Variants in LRRC10B observed in about 807,000 individuals in gnomAD.
LRRC10B encodes leucine-rich repeat-containing protein 10B.
For synonymous variants in LRRC10B, 204 were observed against 221.5 expected, an observed-to-expected ratio of 0.92 and a Z score of 0.70; for missense variants, 389 against 436.5, an observed-to-expected ratio of 0.89 and a Z score of 0.97.
rs576799399 is a variant in LRRC10B, at chr11:61,508,789, G to A, written c.-210G>A. The A allele has an allele frequency of 5.5e-3, 951 of 171,944 alleles. 3 individuals carry two copies. The highest frequency in any genetic ancestry group is 8.8e-3 in the Non-Finnish European group (757 of 86,288). The allele number at this position is 171,944 out of a possible 1,614,324, so 10.7% of individuals were successfully genotyped here. On this transcript the variant is annotated 5_prime_UTR_variant, in exon 1 of 1. Coordinates refer to ENST00000378075, the MANE Select transcript of LRRC10B (RefSeq NM_001145077.2). ...GAGGCAACGGGGGAGGCCCGAGGGCGGGCGGTGGAGCGCGGCGCGCGGCGG... is the reference window on the plus strand; with the variant it reads ...GAGGCAACGGGGGAGGCCCGAGGGCAGGCGGTGGAGCGCGGCGCGCGGCGG...
Position 61,509,575 on chromosome 11 carries a change from C to A in LRRC10B, c.577C>A (p.Arg193Ser), listed in dbSNP as rs972453158. The A allele has an allele frequency of 1.3e-6, 2 of 1,520,460 alleles. No individual in the cohort carries two copies. The highest frequency in any genetic ancestry group is 1.8e-6 in the Non-Finnish European group (2 of 1,140,670). 94.2% of individuals were successfully genotyped at this position (1,520,460 alleles called of 1,614,324 possible). A position where few individuals can be genotyped will look rare whatever the true frequency, so the allele number is the denominator to read the frequency against. ...RLHILDLDRNRLGGFPDLHPL... is the reference protein window; with the variant it reads ...RLHILDLDRNSLGGFPDLHPL... ...GCACATCCTCGACCTCGACCGCAACCGCCTGGGCGGCTTCCCCGACCTGCA... is the reference window on the plus strand; with the variant it reads ...GCACATCCTCGACCTCGACCGCAACAGCCTGGGCGGCTTCCCCGACCTGCA... The change falls in exon 1 of 1, where the codon CGC becomes AGC. Residue 193 changes from arginine to serine, a missense_variant. Physicochemically the swap from Arg to Ser is moderately radical, Grantham distance 110. Transcript: ENST00000378075.
Position 61,508,914 on chromosome 11 carries a change from C to A in LRRC10B, c.-85C>A. On this transcript the variant is annotated 5_prime_UTR_variant, in exon 1 of 1. Transcript: ENST00000378075. ...GGCCCGGGGGCCGGCGCGGCTCCGG[C>A]ACCGTCGGGGCGGCTGGGGGGCGGC... 1 of 1,047,056 alleles carries A rather than the reference C, an allele frequency of 9.6e-7. No homozygotes were observed. Among genetic ancestry groups the A allele is most frequent in the Admixed American group, 5.4e-5 (1 of 18,638 alleles). The allele number at this position is 1,047,056 out of a possible 1,614,324, so 64.9% of individuals were successfully genotyped here.
chr11:61,509,957 C>CCCACCAG lies in LRRC10B; in HGVS notation c.*80_*81insCCACCAG. 1 of 1,374,726 alleles carries CCCACCAG rather than the reference C, an allele frequency of 7.3e-7. No homozygotes were observed. The highest frequency in any genetic ancestry group is 9.5e-7 in the Non-Finnish European group (1 of 1,049,142). 85.2% of individuals were successfully genotyped at this position (1,374,726 alleles called of 1,614,324 possible). On this transcript the variant is annotated 3_prime_UTR_variant, in exon 1 of 1. Coordinates refer to ENST00000378075, the MANE Select transcript of LRRC10B (RefSeq NM_001145077.2). ...GCTTTGGCTGGTTAGGCCTGCGGGA[C>CCCACCAG]TGGTGGGTCCCTACTTAGGTCAATG...
chr11:61,510,142 TAAC>T lies in LRRC10B; in HGVS notation c.*267_*269del. On this transcript the variant is annotated 3_prime_UTR_variant, in exon 1 of 1. Coordinates refer to ENST00000378075, the MANE Select transcript of LRRC10B (RefSeq NM_001145077.2). ...GTCCAGTCCCCGATGGAGCCACTGA[TAAC>T]AGAGGCACCAGCTTCCTCCTGGAAC... 4.9e-6 allele frequency: 2 copies of T among 411,760 alleles called. No individual in the cohort carries two copies. The highest frequency in any genetic ancestry group is 8.8e-6 in the Non-Finnish European group (2 of 226,700). 25.5% of individuals were successfully genotyped at this position (411,760 alleles called of 1,614,324 possible). A position where few individuals can be genotyped will look rare whatever the true frequency, so the allele number is the denominator to read the frequency against.
Position 61,509,990 on chromosome 11 carries a change from T to A in LRRC10B, c.*113T>A. The A allele has an allele frequency of 8.6e-7, 1 of 1,162,808 alleles. No homozygotes were observed. The highest frequency in any genetic ancestry group is 1.2e-6 in the Non-Finnish European group (1 of 861,350). The allele number at this position is 1,162,808 out of a possible 1,614,324, so 72.0% of individuals were successfully genotyped here. Reference sequence around the variant, plus strand: ...TCCCTACTTAGGTCAATGGAACGGCTACTTTTGGCGAGTTGCCGGGCACAG... The same window carrying A: ...TCCCTACTTAGGTCAATGGAACGGCAACTTTTGGCGAGTTGCCGGGCACAG... On this transcript the variant is annotated 3_prime_UTR_variant, in exon 1 of 1. Transcript: ENST00000378075.
In LRRC10B at chr11:61,510,391, GAC is replaced by G. The variant is rs976227771; in HGVS notation, c.*516_*517del. On this transcript the variant is annotated 3_prime_UTR_variant, in exon 1 of 1. Coordinates refer to ENST00000378075, the MANE Select transcript of LRRC10B (RefSeq NM_001145077.2). ...GGCTTGGAGTGGGGCTGGTGCCCGG[GAC>G]AGAAGTGGGAAATAGATGGGGGCCC... 1.8e-5 allele frequency: 3 copies of G among 167,938 alleles called. No individual in the cohort carries two copies. The highest frequency in any genetic ancestry group is 4.8e-5 in the African/African-American group (2 of 41,542). 10.4% of individuals were successfully genotyped at this position (167,938 alleles called of 1,614,324 possible). A position where few individuals can be genotyped will look rare whatever the true frequency, so the allele number is the denominator to read the frequency against.
chr11:61,509,868 G>A lies in LRRC10B; in HGVS notation c.870G>A (p.Leu290=). Residue 290 remains leucine, a synonymous_variant, in exon 1 of 1, where the codon CTG becomes CTA. Transcript: ENST00000378075. ...GCGCCCTGGAAGCCGCTCCAGGACT[G>A]GGCACCTGAGCCTATGTTCTGGCTG... ...SFRALEAAPG[L]GT 4.0e-6 allele frequency: 6 copies of A among 1,509,826 alleles called. No homozygotes were observed. Among genetic ancestry groups the A allele is most frequent in the Non-Finnish European group, 5.3e-6 (6 of 1,133,728 alleles). The allele number at this position is 1,509,826 out of a possible 1,614,324, so 93.5% of individuals were successfully genotyped here. A position where few individuals can be genotyped will look rare whatever the true frequency, so the allele number is the denominator to read the frequency against.
chr11:61,509,022 G>A lies in LRRC10B; in HGVS notation c.24G>A (p.Pro8=), dbSNP rs1160541262. ...CCATGGGCATCGCCGAGTCCACGCC[G>A]GATGAGCTGCCGTCGGACGCAGAGG... MGIAEST[P]DELPSDAEEQ... Residue 8 remains proline (P), a synonymous_variant, in exon 1 of 1, where the codon CCG becomes CCA. Coordinates refer to ENST00000378075, the MANE Select transcript of LRRC10B (RefSeq NM_001145077.2). 2.2e-5 allele frequency: 30 copies of A among 1,343,322 alleles called. No individual in the cohort carries two copies. The highest frequency in any genetic ancestry group is 2.9e-4 in the Middle Eastern group (1 of 3,470). The allele number at this position is 1,343,322 out of a possible 1,614,324, so 83.2% of individuals were successfully genotyped here.
chr11:61,509,743 C>A lies in LRRC10B; in HGVS notation c.745C>A (p.Pro249Thr), dbSNP rs2062076012. ...CGACGAGCCCACGCCCCGGCCTCCGCCCCGGCGCCCAGCGCGGGCCTTTGA... is the reference window on the plus strand; with the variant it reads ...CGACGAGCCCACGCCCCGGCCTCCGACCCGGCGCCCAGCGCGGGCCTTTGA... Reference protein sequence around the residue: ...ERDEPTPRPPPRRPARAFEDE... With the variant: ...ERDEPTPRPPTRRPARAFEDE... Residue 249 changes from proline (P) to threonine (T), a missense_variant, in exon 1 of 1, where the codon CCC becomes ACC. Pro to Thr is a conservative substitution (Grantham distance 38). Transcript: ENST00000378075. 6.6e-7 allele frequency: 1 copy of A among 1,522,062 alleles called. No homozygotes were observed. The allele number at this position is 1,522,062 out of a possible 1,614,324, so 94.3% of individuals were successfully genotyped here.
In LRRC10B at chr11:61,510,341, G is replaced by C. The variant is rs1296100057; in HGVS notation, c.*464G>C. The C allele has an allele frequency of 1.2e-5, 2 of 170,998 alleles. No individual in the cohort carries two copies. The highest frequency in any genetic ancestry group is 2.4e-5 in the African/African-American group (1 of 41,658). 10.6% of individuals were successfully genotyped at this position (170,998 alleles called of 1,614,324 possible). A position where few individuals can be genotyped will look rare whatever the true frequency, so the allele number is the denominator to read the frequency against. On this transcript the variant is annotated 3_prime_UTR_variant, in exon 1 of 1. Coordinates refer to ENST00000378075, the MANE Select transcript of LRRC10B (RefSeq NM_001145077.2). ...CTGTGTGGGGCAGGACTGCCCTTGC[G>C]AGGAGGGCCTGGCCCAGGAGCAGGG...
chr11:61,509,920 G>T lies in LRRC10B; in HGVS notation c.*43G>T, dbSNP rs1228960711. The T allele has an allele frequency of 1.4e-6, 2 of 1,445,724 alleles. No individual in the cohort carries two copies. The allele number at this position is 1,445,724 out of a possible 1,614,324, so 89.6% of individuals were successfully genotyped here. A position where few individuals can be genotyped will look rare whatever the true frequency, so the allele number is the denominator to read the frequency against. ...TGGGCTTCAGCCACTCTGAGAGGAG[G>T]GGCTCTAGGAAGCTTTGGCTGGTTA... On this transcript the variant is annotated 3_prime_UTR_variant, in exon 1 of 1. Coordinates refer to ENST00000378075, the MANE Select transcript of LRRC10B (RefSeq NM_001145077.2).
Position 61,509,080 on chromosome 11 carries a change from C to A in LRRC10B, c.82C>A (p.Leu28Met), listed in dbSNP as rs1288205974. 6.6e-7 allele frequency: 1 copy of A among 1,512,112 alleles called. No homozygotes were observed. Among genetic ancestry groups the A allele is most frequent in the East Asian group, 2.6e-5 (1 of 37,756 alleles). 93.7% of individuals were successfully genotyped at this position (1,512,112 alleles called of 1,614,324 possible). The change falls in exon 1 of 1, where the codon CTG becomes ATG. Residue 28 changes from leucine to methionine, a missense_variant. Transcript: ENST00000378075. ...GCGCAGCGGCGACCAGCAGCTGGAG[C>A]TGAGCGGGCGGCGGTTGCGGCGGCT... ...QLRSGDQQLE[L>M]SGRRLRRLPS... is the part of the protein sequence containing the mutation.
Position 61,509,523 on chromosome 11 carries a change from G to A in LRRC10B, c.525G>A (p.Pro175=), listed in dbSNP as rs2134964357. 6.6e-7 allele frequency: 1 copy of A among 1,511,838 alleles called. No individual in the cohort carries two copies. The highest frequency in any genetic ancestry group is 1.4e-5 in the African/African-American group (1 of 69,434). The allele number at this position is 1,511,838 out of a possible 1,614,324, so 93.7% of individuals were successfully genotyped here. A position where few individuals can be genotyped will look rare whatever the true frequency, so the allele number is the denominator to read the frequency against. The change falls in exon 1 of 1, where the codon CCG becomes CCA. Residue 175 remains proline, a synonymous_variant. Coordinates refer to ENST00000378075, the MANE Select transcript of LRRC10B (RefSeq NM_001145077.2). ...WLYGNRFEEF[P]PALLRMGRLH... is the part of the protein sequence containing the mutation. The stretch of plus-strand genomic sequence containing the variant: ...ACGGCAACCGCTTCGAGGAGTTCCC[G>A]CCCGCGCTGCTGCGCATGGGCCGCC...
In LRRC10B at chr11:61,510,678, C is replaced by T. The variant is rs1235492343; in HGVS notation, c.*801C>T. On this transcript the variant is annotated 3_prime_UTR_variant, in exon 1 of 1. Coordinates refer to ENST00000378075, the MANE Select transcript of LRRC10B (RefSeq NM_001145077.2). ...CGTGCCTCCAGGGCCTCCTGCACCG[C>T]AGAGAGGGGCTCTCTGCTCTGGGAG... 1.2e-5 allele frequency: 2 copies of T among 167,152 alleles called. No individual in the cohort carries two copies. Among genetic ancestry groups the T allele is most frequent in the African/African-American group, 4.8e-5 (2 of 41,462 alleles). 10.4% of individuals were successfully genotyped at this position (167,152 alleles called of 1,614,324 possible).
In LRRC10B at chr11:61,510,331, C is replaced by G. The variant is rs143095068; in HGVS notation, c.*454C>G. The G allele has an allele frequency of 5.9e-3, 1,027 of 173,422 alleles. 7 individuals carry two copies. Among genetic ancestry groups the G allele is most frequent in the Non-Finnish European group, 9.9e-3 (721 of 72,982 alleles). 10.7% of individuals were successfully genotyped at this position (173,422 alleles called of 1,614,324 possible). A position where few individuals can be genotyped will look rare whatever the true frequency, so the allele number is the denominator to read the frequency against. Reference sequence around the variant, plus strand: ...GACTGCGTGCCTGTGTGGGGCAGGACTGCCCTTGCGAGGAGGGCCTGGCCC... The same window carrying G: ...GACTGCGTGCCTGTGTGGGGCAGGAGTGCCCTTGCGAGGAGGGCCTGGCCC... On this transcript the variant is annotated 3_prime_UTR_variant, in exon 1 of 1. Coordinates refer to ENST00000378075, the MANE Select transcript of LRRC10B (RefSeq NM_001145077.2).
Position 61,508,976 on chromosome 11 carries a change from G to T in LRRC10B, c.-23G>T. ...GATGCCTGGCGGTGGCAGTGGCGGCGGCCCCGGCCGGGGCCCGTGACCATG... is the reference window on the plus strand; with the variant it reads ...GATGCCTGGCGGTGGCAGTGGCGGCTGCCCCGGCCGGGGCCCGTGACCATG... On this transcript the variant is annotated 5_prime_UTR_variant, in exon 1 of 1. Transcript: ENST00000378075. The T allele has an allele frequency of 4.6e-6, 6 of 1,290,598 alleles. No homozygotes were observed. The highest frequency in any genetic ancestry group is 5.9e-6 in the Non-Finnish European group (6 of 1,021,250). The allele number at this position is 1,290,598 out of a possible 1,614,324, so 79.9% of individuals were successfully genotyped here.
At position 61,509,455 on chromosome 11, in the gene LRRC10B, G is replaced by T; in HGVS notation, c.457G>T (p.Ala153Ser). Residue 153 changes from alanine to serine, a missense_variant, in exon 1 of 1, where the codon GCC becomes TCC. Coordinates refer to ENST00000378075, the MANE Select transcript of LRRC10B (RefSeq NM_001145077.2). The stretch of plus-strand genomic sequence containing the variant: ...CGACAACCGGCTGCGCGCGCTGCCG[G>T]CCGAGCTGCCGCGCATGACGGGCTT... ...MGDNRLRALP[A>S]ELPRMTGLRG... 1 of 1,487,066 alleles carries T rather than the reference G, an allele frequency of 6.7e-7. No homozygotes were observed. The highest frequency in any genetic ancestry group is 8.9e-7 in the Non-Finnish European group (1 of 1,128,182). 92.1% of individuals were successfully genotyped at this position (1,487,066 alleles called of 1,614,324 possible).
At position 61,509,408 on chromosome 11, in the gene LRRC10B, C is replaced by T; in HGVS notation, c.410C>T (p.Ala137Val). 1 of 1,488,382 alleles carries T rather than the reference C, an allele frequency of 6.7e-7. No individual in the cohort carries two copies. The highest frequency in any genetic ancestry group is 8.9e-7 in the Non-Finnish European group (1 of 1,128,874). 92.2% of individuals were successfully genotyped at this position (1,488,382 alleles called of 1,614,324 possible). Residue 137 changes from alanine (A) to valine (V), a missense_variant, in exon 1 of 1, where the codon GCG becomes GTG. Transcript: ENST00000378075. Reference protein sequence around the residue: ...RFPRPLLRLVALQSLQMGDNR... With the variant: ...RFPRPLLRLVVLQSLQMGDNR... The stretch of plus-strand genomic sequence containing the variant: ...CCGCGGCCGCTGCTGCGCCTGGTGG[C>T]GCTGCAGTCGCTCCAGATGGGCGAC...
At position 61,508,996 on chromosome 11, in the gene LRRC10B, A is replaced by T; in HGVS notation, c.-3A>T. ...GCGGCGGCCCCGGCCGGGGCCCGTG[A>T]CCATGGGCATCGCCGAGTCCACGCC... On this transcript the variant is annotated 5_prime_UTR_variant, in exon 1 of 1. The change abolishes the stop of an existing upstream ORF in the 5' untranslated region. Coordinates refer to ENST00000378075, the MANE Select transcript of LRRC10B (RefSeq NM_001145077.2). The T allele has an allele frequency of 1.7e-6, 2 of 1,206,360 alleles. No individual in the cohort carries two copies. The highest frequency in any genetic ancestry group is 2.1e-6 in the Non-Finnish European group (2 of 957,682). 74.7% of individuals were successfully genotyped at this position (1,206,360 alleles called of 1,614,324 possible).
Sources: allele counts gnomAD v4.1 joint callset, GRCh38; gene constraint gnomAD v4.1.1; transcripts MANE v1.5; gene names NCBI Gene and HGNC (gene_info 2026-07-23, HGNC 2026-07-21).